Variants in CACNA1D observed in about 807,000 individuals in gnomAD.
CACNA1D encodes the protein calcium voltage-gated channel subunit alpha1 D.
A neutral mutation model predicts 257.1 loss-of-function variants in CACNA1D; 55 were observed. The ratio of observed to expected loss-of-function variants is 0.21; its 90% CI spans 0.17 to 0.27. The LOEUF is 0.27. CACNA1D is among the 10% of genes least tolerant of loss of function. CACNA1D has a pLI of 1.00. For missense variants in CACNA1D, 1,876 were observed against 2,784.0 expected, an observed-to-expected ratio of 0.67 and a Z score of 7.34; for synonymous variants, 980 against 1,014.9, an observed-to-expected ratio of 0.97 and a Z score of 0.65.
intron 3 of CACNA1D, among the ~76,000 whole-genome samples, chr3:53,625,028 C>T (rs1296942529): frequency 2.0e-5 from 3 of 152,212 alleles, no homozygotes; most frequent in South Asian, 2.1e-4. Context: ...AGGAGTACCA[C>T]GATAGTTTGT....
chr3:53,760,662 G>A (rs1285516849), intron 29 of CACNA1D, among the ~76,000 whole-genome samples: 1 of 152,218 alleles, frequency 6.6e-6, no homozygotes, highest in Non-Finnish European at 1.5e-5. Flanking sequence ...AGCACCTGCT[G>A]TGCTGATGCT....
At position 53,807,260 on chromosome 3, in the gene CACNA1D, T is replaced by C. The variant is rs552503248; in HGVS notation, c.5750-1389T>C. On this transcript the variant is annotated intron_variant, in intron 45 of 47. Coordinates refer to ENST00000350061, the MANE Select transcript of CACNA1D (RefSeq NM_001128840.3). ...GGCCATTCGATCTGGAAACCTATGC[T>C]CCACAGCACAGTTGGCCCCTGGGTG... is the stretch of plus-strand genomic sequence containing the variant. 2.9e-4 allele frequency among the ~76,000 whole-genome samples: 44 copies of C among 152,312 alleles called. No homozygotes were observed. The South Asian group carries it at 7.7e-3, about 27-fold the overall frequency.
Position 53,770,481 on chromosome 3 carries a change from C to A in CACNA1D, c.3973C>A (p.Arg1325=). 1 of 1,612,898 alleles carries A rather than the reference C, an allele frequency of 6.2e-7. No homozygotes were observed. The highest frequency in any genetic ancestry group is 1.1e-5 in the South Asian group (1 of 91,030). The change falls in exon 32 of 48, where the codon CGA becomes AGA. Residue 1325 remains arginine, a synonymous_variant. Coordinates refer to ENST00000350061, the MANE Select transcript of CACNA1D (RefSeq NM_001128840.3). ...CTTTTTCCGTCTTTTCCGAGTGATG[C>A]GATTGGTGAAGCTTCTCAGCAGGGG... ...ITFFRLFRVM[R]LVKLLSRGEG...
chr3:53,510,249 C>T (rs73840109), intron 3 of CACNA1D, among the ~76,000 whole-genome samples: 1,670 of 152,274 alleles, frequency 0.011, 33 homozygotes, highest in African/African-American at 0.038. Flanking sequence ...CGTGTGTGTA[C>T]GTATGTATAT....
chr3:53,700,810 G>A (rs1024823464), intron 8 of CACNA1D, among the ~76,000 whole-genome samples: 8 of 151,656 alleles, frequency 5.3e-5, no homozygotes, highest in East Asian at 1.9e-4. Flanking sequence ...AAAGTGGGGT[G>A]ATTTAGAAGC....
At chr3:53,528,265 A>G (rs531073743) in intron 3 of CACNA1D, among the ~76,000 whole-genome samples, 1 of 152,280 alleles carries the variant, frequency 6.6e-6, no homozygotes, top group East Asian at 1.9e-4. Flanking sequence ...CAGTTGCTCC[A>G]GCAACATATG....
chr3:53,546,220 A>C (rs1283933291), intron 3 of CACNA1D, among the ~76,000 whole-genome samples: 2 of 152,202 alleles, frequency 1.3e-5, no homozygotes, highest in Non-Finnish European at 2.9e-5. Flanking sequence ...ACCACTGCTC[A>C]ACTATGAAAA....
chr3:53,785,166 G>A (rs2095446210), intron 39 of CACNA1D, among the ~76,000 whole-genome samples: 1 of 152,152 alleles, frequency 6.6e-6, no homozygotes, highest in Admixed American at 6.5e-5. Context: ...ACAGCGAGGG[G>A]TGAAATACCA....
At position 53,774,152 on chromosome 3, in the gene CACNA1D, G is replaced by A. The variant is rs1576626160; in HGVS notation, c.4111-435G>A. 1.4e-5 allele frequency: 3 copies of A among 217,370 alleles called. No homozygotes were observed. The highest frequency in any genetic ancestry group is 5.3e-5 in the Admixed American group (1 of 18,986). 13.5% of individuals were successfully genotyped at this position (217,370 alleles called of 1,614,324 possible). On this transcript the variant is annotated intron_variant, in intron 33 of 47. Transcript: ENST00000350061. This position sits in a 1 kb window ranked among gnomAD's most constrained non-coding sequence, Gnocchi z 4.3. ...TATGCACATGGTGCTCCCTCCACCC[G>A]AAACACTCTTCGCCTTTCCTATCAC...
In CACNA1D at chr3:53,614,888, T is replaced by C. The variant is rs529491260; in HGVS notation, c.484-35891T>C. The stretch of plus-strand genomic sequence containing the variant: ...CCTTGCTGGCTATCTTAATTACTCC[T>C]CAAATTCATCACACTCCTGTGGAAT... On this transcript the variant is annotated intron_variant, in intron 3 of 47. Coordinates refer to ENST00000350061, the MANE Select transcript of CACNA1D (RefSeq NM_001128840.3). 9.8e-5 allele frequency among the ~76,000 whole-genome samples: 15 copies of C among 152,314 alleles called. No individual in the cohort carries two copies. The East Asian group carries it at 2.9e-3, about 29-fold the overall frequency.
At chr3:53,570,150 G>T (rs1043105684) in intron 3 of CACNA1D, among the ~76,000 whole-genome samples, 2 of 152,188 alleles carry the variant, frequency 1.3e-5, no homozygotes, top group African/African-American at 4.8e-5. Context: ...GTAAAAGTTA[G>T]ATTTGATTTA....
chr3:53,552,085 C>T (rs1289805428), intron 3 of CACNA1D, among the ~76,000 whole-genome samples: 4 of 152,186 alleles, frequency 2.6e-5, no homozygotes, highest in Admixed American at 6.5e-5. Context: ...CCCACTTGTA[C>T]GGGCAACTCA....
At chr3:53,703,548 C>T (rs3774531) in intron 9 of CACNA1D, among the ~76,000 whole-genome samples, 76,856 of 152,068 alleles carry the variant, frequency 0.51, 19,561 homozygotes, top group East Asian at 0.66. Context: ...CTTTGTGCCT[C>T]GGGTCAGAGT....
chr3:53,635,467 G>C (rs1384797940), intron 3 of CACNA1D, among the ~76,000 whole-genome samples: 1 of 152,152 alleles, frequency 6.6e-6, no homozygotes, highest in Non-Finnish European at 1.5e-5. Context: ...GATTTGGGGG[G>C]GATCAGGGAA....
At chr3:53,525,253 A>G (rs1053479403) in intron 3 of CACNA1D, among the ~76,000 whole-genome samples, 1 of 152,148 alleles carries the variant, frequency 6.6e-6, no homozygotes. Flanking sequence ...CCTTTAACTC[A>G]TAGTTATTGC....
chr3:53,541,396 T>A (rs749777164), intron 3 of CACNA1D, among the ~76,000 whole-genome samples: 2 of 152,204 alleles, frequency 1.3e-5, no homozygotes, highest in Non-Finnish European at 2.9e-5. Context: ...TCTCCATGTT[T>A]CAAAGGAATA....
At chr3:53,786,717 A>AC (rs2109108010) in intron 39 of CACNA1D, 105 bp from the exon 40 acceptor site, 1 of 275,354 alleles carries the variant, frequency 3.6e-6, no homozygotes, top group South Asian at 2.6e-5. Flanking sequence ...CGGACCGCCC[A>AC]CCCGCCCCAC....
At chr3:53,659,526 A>T (rs1048819146) in intron 4 of CACNA1D, among the ~76,000 whole-genome samples, 1 of 152,216 alleles carries the variant, frequency 6.6e-6, no homozygotes, top group South Asian at 2.1e-4. Flanking sequence ...CAGATACTGT[A>T]ATAGGCACTA....
rs1258642293 is a variant in CACNA1D, at chr3:53,730,486, G to A, written c.2266G>A (p.Ala756Thr). ...VFLAIAVDNLADAESLNTAQK... is the reference protein window; with the variant it reads ...VFLAIAVDNLTDAESLNTAQK... ...CTTGGCCATCGCTGTAGACAATTTGGCTGATGCTGAAAGTCTGAACACTGC... is the reference window on the plus strand; with the variant it reads ...CTTGGCCATCGCTGTAGACAATTTGACTGATGCTGAAAGTCTGAACACTGC... The change falls in exon 16 of 48, where the codon GCT becomes ACT. Residue 756 changes from alanine (A) to threonine (T), a missense_variant. This residue lies in a region of CACNA1D where 257 missense variants were observed against 399.7 expected (regional missense o/e 0.64). Coordinates refer to ENST00000350061, the MANE Select transcript of CACNA1D (RefSeq NM_001128840.3). 1 of 1,614,136 alleles carries A rather than the reference G, an allele frequency of 6.2e-7. No individual in the cohort carries two copies.
Sources: gnomAD v4.1 joint callset for allele counts (sites outside exome capture counted in the v4.1 genomes callset) on GRCh38, gnomAD v4.1.1 for gene constraint, gnomAD v4.1.1 regional missense constraint, Gnocchi (gnomAD v3.1) non-coding constraint, MANE v1.5 for transcripts, NCBI Gene and HGNC (gene_info 2026-07-23, HGNC 2026-07-21) for gene names.